PPM1A: variants seen among roughly 807,000 people sequenced by gnomAD.
PPM1A encodes protein phosphatase, Mg2+/Mn2+ dependent 1A.
PPM1A carries 7 observed loss-of-function variants against 35.0 expected under a neutral mutation model. The ratio of observed to expected loss-of-function variants is 0.20; its 90% CI spans 0.11 to 0.38. The LOEUF (loss-of-function observed/expected upper bound fraction) is 0.38, where lower values mean the gene tolerates loss of function less well. Ranked by LOEUF, PPM1A falls within the 10% of genes least tolerant of loss-of-function variation. The pLI is 1.00. For synonymous variants in PPM1A, 153 were observed against 167.3 expected (o/e 0.91, Z 0.66); for missense variants, 239 against 467.8 (o/e 0.51, Z 4.51).
chr14:60,298,109 A>C lies in PPM1A; in HGVS notation c.*5627A>C. The C allele has an allele frequency of 6.6e-6, 1 of 151,716 alleles. No individual in the cohort carries two copies. Among genetic ancestry groups the C allele is most frequent in the East Asian group, 1.9e-4 (1 of 5,194 alleles). The allele number at this position is 151,716 out of a possible 1,614,324, so 9.4% of individuals were successfully genotyped here. ...TGGGGAAAGTGATTAAAAGGTGAAA[A>C]AAAAACATAGTATTCAGAAGTTTTG... is the stretch of plus-strand genomic sequence containing the variant. On this transcript the variant is annotated 3_prime_UTR_variant, in exon 6 of 6. Transcript: ENST00000395076.
Position 60,282,592 on chromosome 14 carries a change from C to T in PPM1A, c.-20-92C>T. On this transcript the variant is annotated intron_variant, in intron 1 of 5. Transcript: ENST00000395076. This position sits in a 1 kb window ranked among gnomAD's most constrained non-coding sequence, Gnocchi z 5.1. ...TCTGCTTATCGCGAGTTGTGAATTC[C>T]CGCATATCTCTTTCACTTATTAAAA... 2.1e-6 allele frequency: 3 copies of T among 1,460,306 alleles called. No individual in the cohort carries two copies. Among genetic ancestry groups the T allele is most frequent in the Non-Finnish European group, 2.8e-6 (3 of 1,083,396 alleles). The allele number at this position is 1,460,306 out of a possible 1,614,324, so 90.5% of individuals were successfully genotyped here.
upstream of PPM1A, among the ~76,000 whole-genome samples, chr14:60,249,004 C>A (rs1881983748): frequency 6.6e-6 from 1 of 152,116 alleles, no homozygotes; most frequent in Non-Finnish European, 1.5e-5. The surrounding 1 kb of genome is among the most constrained non-coding windows in gnomAD (Gnocchi z 4.5). Context: ...GCAGCAGCAG[C>A]GGCAGAGAAA....
At chr14:60,255,649 A>G (rs529579747) in intron 1 of PPM1A, among the ~76,000 whole-genome samples, 20 of 152,206 alleles carry the variant, frequency 1.3e-4, no homozygotes, top group Non-Finnish European at 2.6e-4. Context: ...AGTGAAAGTG[A>G]TTGTTGTAGG....
intron 1 of PPM1A, chr14:60,277,046 G>T: frequency 1.7e-6 from 2 of 1,210,712 alleles, no homozygotes; most frequent in Non-Finnish European, 2.1e-6. Context: ...TAATACTAGT[G>T]CTGTGATGAG....
intron 1 of PPM1A, among the ~76,000 whole-genome samples, chr14:60,266,568 C>G (rs925019263): frequency 6.6e-6 from 1 of 152,094 alleles, no homozygotes; most frequent in African/African-American, 2.4e-5. Flanking sequence ...AGCTACCCAC[C>G]ACTGGAGGGC....
rs1437466046 is a variant in PPM1A at position 60,299,055 on chromosome 14, C to G, written c.*6573C>G. The G allele has an allele frequency of 6.6e-6, 1 of 151,800 alleles. No homozygotes were observed. Among genetic ancestry groups the G allele is most frequent in the Non-Finnish European group, 1.5e-5 (1 of 67,760 alleles). The allele number at this position is 151,800 out of a possible 1,614,324, so 9.4% of individuals were successfully genotyped here. On this transcript the variant is annotated 3_prime_UTR_variant, in exon 6 of 6. Transcript: ENST00000395076. This position sits in a 1 kb window ranked among gnomAD's most constrained non-coding sequence, Gnocchi z 4.2. ...TAGAAATAATTTCTAGTTTGGAAAA[C>G]TGGTGCCACTAAATAAACAGGCAAT...
chr14:60,253,498 A>T (rs1299789742), intron 1 of PPM1A, among the ~76,000 whole-genome samples: 2 of 152,166 alleles, frequency 1.3e-5, no homozygotes, highest in Non-Finnish European at 2.9e-5. Context: ...GATTTTTCCC[A>T]ATTAGATGAA....
chr14:60,290,555 A>T (rs1012171966), intron 4 of PPM1A, among the ~76,000 whole-genome samples: 2 of 152,216 alleles, frequency 1.3e-5, no homozygotes, highest in Non-Finnish European at 2.9e-5. Flanking sequence ...AAATATCCAT[A>T]TAATTGACTT....
intron 2 of PPM1A, 55 bp from the exon 3 acceptor site, chr14:60,285,569 A>G: frequency 6.4e-7 from 1 of 1,563,840 alleles, no homozygotes; most frequent in Non-Finnish European, 8.8e-7. Context: ...AAGGTTCTCA[A>G]GGCTTTGAAG....
At chr14:60,278,589 C>G (rs138815546) in intron 1 of PPM1A, among the ~76,000 whole-genome samples, 1 of 152,212 alleles carries the variant, frequency 6.6e-6, no homozygotes, top group Non-Finnish European at 1.5e-5. Context: ...ACTAGTCATT[C>G]GACAAAGATT....
chr14:60,254,958 C>T (rs1007386997), intron 1 of PPM1A, among the ~76,000 whole-genome samples: 1 of 152,112 alleles, frequency 6.6e-6, no homozygotes, highest in African/African-American at 2.4e-5. Flanking sequence ...CTGGAACACG[C>T]TCTTTTCTCT....
At chr14:60,267,562 T>C (rs1461753845) in intron 1 of PPM1A, among the ~76,000 whole-genome samples, 1 of 152,082 alleles carries the variant, frequency 6.6e-6, no homozygotes, top group Non-Finnish European at 1.5e-5. Flanking sequence ...AGGATTATGA[T>C]AGGTTTGTAA....
intron 3 of PPM1A, 53 bp downstream of exon 3, chr14:60,285,794 C>G (rs777555623): frequency 1.8e-5 from 28 of 1,595,044 alleles, no homozygotes; most frequent in South Asian, 5.7e-5. Flanking sequence ...ATCTTCAACA[C>G]AATCAAACTT....
intron 1 of PPM1A, chr14:60,267,252 G>A (rs1451498398): frequency 6.6e-6 from 1 of 151,842 alleles, no homozygotes; most frequent in Non-Finnish European, 1.5e-5. Context: ...TTTCTTTCCT[G>A]GGAATTGTTC....
At chr14:60,290,001 T>C in intron 4 of PPM1A, 87 bp downstream of exon 4, 1 of 887,140 alleles carries the variant, frequency 1.1e-6, no homozygotes. Flanking sequence ...TTTGCCTAAT[T>C]TCTGAACTGA....
chr14:60,246,113 T>G (rs1256700992), upstream of PPM1A: 3 of 1,405,780 alleles, frequency 2.1e-6, no homozygotes, highest in Admixed American at 2.6e-5. Context: ...GAGTAGTGAC[T>G]GGCTTCAGTG....
At chr14:60,291,949 C>T (rs910653017) in intron 5 of PPM1A, among the ~76,000 whole-genome samples, 1 of 151,960 alleles carries the variant, frequency 6.6e-6, no homozygotes, top group Non-Finnish European at 1.5e-5. Flanking sequence ...CATAAATAGA[C>T]ATTAGAATGC....
chr14:60,245,800 C>T, upstream of PPM1A: 3 of 1,502,174 alleles, frequency 2.0e-6, no homozygotes, highest in South Asian at 4.0e-5. This position sits in a 1 kb window ranked among gnomAD's most constrained non-coding sequence, Gnocchi z 4.2. Flanking sequence ...GGGTAGGGGG[C>T]ACACCCTCTC....
rs1595372487 is a variant in PPM1A at position 60,289,399 on chromosome 14, G to T, written c.953-407G>T. On this transcript the variant is annotated intron_variant, in intron 3 of 5. Coordinates refer to ENST00000395076, the MANE Select transcript of PPM1A (RefSeq NM_021003.5). The surrounding 1 kb of genome is among the most constrained non-coding windows in gnomAD (Gnocchi z 4.1). ...GTTGTTATTTTCAAATCTTGAAATTGTTTATTTTTTAAAATTCCACGCAGT... is the reference window on the plus strand; with the variant it reads ...GTTGTTATTTTCAAATCTTGAAATTTTTTATTTTTTAAAATTCCACGCAGT... Among the ~76,000 whole-genome samples, 1 of 151,988 alleles carries T rather than the reference G, an allele frequency of 6.6e-6. No homozygotes were observed. Among genetic ancestry groups the T allele is most frequent in the African/African-American group, 2.4e-5 (1 of 41,392 alleles).
Sources: allele counts gnomAD v4.1 joint callset (sites outside exome capture counted in the v4.1 genomes callset), GRCh38; gene constraint gnomAD v4.1.1; non-coding constraint Gnocchi (gnomAD v3.1); transcripts MANE v1.5; gene names NCBI Gene and HGNC (gene_info 2026-07-23, HGNC 2026-07-21).